Variants in GALNT14 observed in about 807,000 individuals in gnomAD.
GALNT14 encodes the protein UDP-GalNAc:polypeptide N-acetylgalactosaminyltransferase 14.
GALNT14 carries 60 observed loss-of-function variants against 77.5 expected under a neutral mutation model. The ratio of observed to expected loss-of-function variants is 0.77; its 90% CI spans 0.63 to 0.96. The LOEUF is 0.96. Among genes scored for constraint, GALNT14 ranks in the 40% least tolerant of loss-of-function variants. GALNT14 has a pLI of 0.00. For missense variants in GALNT14, 710 were observed against 731.0 expected, an observed-to-expected ratio of 0.97 and a Z score of 0.33; for synonymous variants, 280 against 281.7, an observed-to-expected ratio of 0.99 and a Z score of 0.06.
chr2:31,115,706 A>G (rs546096606), intron 1 of GALNT14, among the ~76,000 whole-genome samples: 1 of 152,334 alleles, frequency 6.6e-6, no homozygotes, highest in South Asian at 2.1e-4. Flanking sequence ...CTAAAGGCCC[A>G]TCTGCCCACA....
chr2:31,029,578 C>A (rs1672283779), intron 1 of GALNT14, among the ~76,000 whole-genome samples: 1 of 152,232 alleles, frequency 6.6e-6, no homozygotes, highest in Non-Finnish European at 1.5e-5. Flanking sequence ...ACGCACAGGT[C>A]ACAACCTTTA....
At chr2:31,134,371 G>T (rs1679128232) in intron 1 of GALNT14, among the ~76,000 whole-genome samples, 1 of 152,228 alleles carries the variant, frequency 6.6e-6, no homozygotes, top group Non-Finnish European at 1.5e-5. Context: ...CCTCTCCAAG[G>T]CTTCAGCATG....
intron 1 of GALNT14, among the ~76,000 whole-genome samples, chr2:31,081,911 CAA>C (rs1034773868): frequency 7.9e-5 from 12 of 152,262 alleles, no homozygotes; most frequent in African/African-American, 2.9e-4. Context: ...CCACCCTATC[CAA>C]AAGTCATTTA....
chr2:30,983,549 A>G (rs1491001910), intron 2 of GALNT14, among the ~76,000 whole-genome samples: 1 of 152,146 alleles, frequency 6.6e-6, no homozygotes, highest in Admixed American at 6.5e-5. Flanking sequence ...CAGAACAAAG[A>G]CCACTTGGTA....
At chr2:31,099,731 C>T (rs991610566) in intron 1 of GALNT14, among the ~76,000 whole-genome samples, 2 of 151,912 alleles carry the variant, frequency 1.3e-5, no homozygotes, top group Non-Finnish European at 1.5e-5. Context: ...TCTGGACTAA[C>T]CACTTGGTTC....
intron 1 of GALNT14, among the ~76,000 whole-genome samples, chr2:31,070,165 C>A (rs75312991): frequency 0.062 from 9,376 of 152,204 alleles, 392 homozygotes; most frequent in Middle Eastern, 0.11. Flanking sequence ...GATCCCTCGA[C>A]CAAGGACTTC....
chr2:30,956,940 C>CT (rs1196722453), intron 4 of GALNT14, among the ~76,000 whole-genome samples: 1 of 152,194 alleles, frequency 6.6e-6, no homozygotes, highest in Non-Finnish European at 1.5e-5. Flanking sequence ...TTGGAAGGGT[C>CT]CCACTCAGCA....
chr2:31,017,615 C>T (rs1671456910), intron 1 of GALNT14, among the ~76,000 whole-genome samples: 1 of 151,954 alleles, frequency 6.6e-6, no homozygotes. Context: ...TTCACTACTC[C>T]CTGGGGGCCC....
chr2:31,011,423 T>A (rs1377236848), intron 1 of GALNT14, among the ~76,000 whole-genome samples: 1 of 152,148 alleles, frequency 6.6e-6, no homozygotes, highest in Non-Finnish European at 1.5e-5. Context: ...GCTCACTGGG[T>A]CTCTGGTTAC....
Position 31,130,783 on chromosome 2 carries a change from T to TGTGTGTGTGCGTGC in GALNT14, c.129+7174_129+7175insGCACGCACACACAC, listed in dbSNP as rs1181788023. 3.4e-5 allele frequency among the ~76,000 whole-genome samples: 4 copies of TGTGTGTGTGCGTGC among 118,634 alleles called. 1 individual carries two copies. The highest frequency in any genetic ancestry group is 1.5e-4 in the African/African-American group (4 of 27,352). 77.8% of individuals were successfully genotyped at this position (118,634 alleles called of 152,430 possible). On this transcript the variant is annotated intron_variant, in intron 1 of 14. Transcript: ENST00000349752. ...GTGTGTGTGTGTGTGTGTGTGTGTG[T>TGTGTGTGTGCGTGC]GCGCGCGCACCTGTGTGTGTGCCTG...
chr2:31,011,453 T>C lies in GALNT14; in HGVS notation c.130-18446A>G, dbSNP rs368542944. 3.8e-4 allele frequency among the ~76,000 whole-genome samples: 58 copies of C among 152,248 alleles called. No homozygotes were observed. In the East Asian group the frequency reaches 0.01, roughly 27 times the overall value. The stretch of plus-strand genomic sequence containing the variant: ...GGTTACTTTTCCCACCTATAAAATA[T>C]AGGGGTTACATAGCAGAGGCATCCT... On this transcript the variant is annotated intron_variant, in intron 1 of 14. Transcript: ENST00000349752.
chr2:31,026,186 C>T (rs548188073), intron 1 of GALNT14, among the ~76,000 whole-genome samples: 81 of 152,248 alleles, frequency 5.3e-4, no homozygotes, highest in African/African-American at 1.8e-3. Context: ...CAGTAAGGGG[C>T]GGGGCCACTG....
At chr2:31,034,980 T>A (rs1286139313) in intron 1 of GALNT14, among the ~76,000 whole-genome samples, 2 of 152,244 alleles carry the variant, frequency 1.3e-5, no homozygotes, top group Non-Finnish European at 2.9e-5. Flanking sequence ...ATTTCAATCC[T>A]TTTAAACGTA....
intron 9 of GALNT14, among the ~76,000 whole-genome samples, chr2:30,939,922 C>T (rs1666277561): frequency 6.6e-6 from 1 of 151,842 alleles, no homozygotes; most frequent in Non-Finnish European, 1.5e-5. Flanking sequence ...CCTTGTTATC[C>T]CCACCCGCAG....
intron 1 of GALNT14, among the ~76,000 whole-genome samples, chr2:31,001,980 C>T (rs1670393437): frequency 6.6e-6 from 1 of 152,082 alleles, no homozygotes; most frequent in Non-Finnish European, 1.5e-5. Flanking sequence ...ATCAAACAGG[C>T]CCAAGAAAAT....
intron 1 of GALNT14, among the ~76,000 whole-genome samples, chr2:31,003,861 G>C (rs899384622): frequency 6.6e-6 from 1 of 152,230 alleles, no homozygotes; most frequent in Non-Finnish European, 1.5e-5. Context: ...AAATTAGCAC[G>C]AGAAGGAGGT....
At chr2:31,086,598 A>G (rs1311855781) in intron 1 of GALNT14, among the ~76,000 whole-genome samples, 1 of 152,168 alleles carries the variant, frequency 6.6e-6, no homozygotes, top group Non-Finnish European at 1.5e-5. Flanking sequence ...TTTTACATAC[A>G]TTAACTAAGA....
chr2:31,136,541 C>T (rs1679235831), intron 1 of GALNT14, among the ~76,000 whole-genome samples: 1 of 152,212 alleles, frequency 6.6e-6, no homozygotes, highest in Admixed American at 6.5e-5. Context: ...CCTCTCCCCC[C>T]AGAGAGTAAA....
Position 30,960,858 on chromosome 2 carries a change from C to T in GALNT14, c.399-2394G>A, listed in dbSNP as rs898280597. Among the ~76,000 whole-genome samples, 5 of 152,372 alleles carry T rather than the reference C, an allele frequency of 3.3e-5. No homozygotes were observed. The South Asian group carries it at 1.0e-3, about 32-fold the overall frequency. On this transcript the variant is annotated intron_variant, in intron 3 of 14. Transcript: ENST00000349752. ...CCAGCAGAGGATAGCTCTTCTCAGC[C>T]TCACCCCCACTCCAGCTGCCTTCCC...
Sources: allele counts gnomAD v4.1 joint callset (sites outside exome capture counted in the v4.1 genomes callset), GRCh38; gene constraint gnomAD v4.1.1; transcripts MANE v1.5; gene names NCBI Gene and HGNC (gene_info 2026-07-23, HGNC 2026-07-21).